GPM6A: variants seen among roughly 807,000 people sequenced by gnomAD.
The protein encoded by GPM6A is glycoprotein M6A.
A neutral mutation model predicts 32.1 loss-of-function variants in GPM6A; 7 were observed. That is an observed-to-expected ratio of 0.22 (90% confidence interval 0.12 to 0.41). The LOEUF (loss-of-function observed/expected upper bound fraction) is 0.41, where lower values mean the gene tolerates loss of function less well. Ranked by LOEUF, GPM6A falls within the 10% of genes least tolerant of loss-of-function variation. The pLI, the probability that GPM6A is intolerant of heterozygous loss-of-function variation, is 1.00. For missense variants in GPM6A, 235 were observed against 347.2 expected, an observed-to-expected ratio of 0.68 and a Z score of 2.57; for synonymous variants, 130 against 123.4, an observed-to-expected ratio of 1.05 and a Z score of -0.35.
At chr4:175,914,040 G>A (rs185879440) in intron 1 of GPM6A, among the ~76,000 whole-genome samples, 151 of 152,222 alleles carry the variant, frequency 9.9e-4, no homozygotes, top group Non-Finnish European at 1.5e-3. Flanking sequence ...AAAAGCCACA[G>A]AGACACAAGT....
rs912268341 is a variant in GPM6A, at chr4:175,659,494, CCTTTTTTAAAAATAGTTAAGAGAAAA to C, written c.388-7533_388-7508del. ...AAAGAGTATTGAAAGTATTCAATGT[CCTTTTTTAAAAATAGTTAAGAGAAAA>C]ATAACATAACCAAAACTGGATTATT... On this transcript the variant is annotated intron_variant, in intron 3 of 6. Coordinates refer to ENST00000393658, the MANE Select transcript of GPM6A (RefSeq NM_201591.3). Among the ~76,000 whole-genome samples the C allele has an allele frequency of 5.9e-5, 9 of 151,984 alleles. No homozygotes were observed. In the South Asian group the frequency reaches 1.0e-3, roughly 17 times the overall value.
At chr4:175,727,303 C>A (rs556237017) in intron 1 of GPM6A, among the ~76,000 whole-genome samples, 1 of 152,086 alleles carries the variant, frequency 6.6e-6, no homozygotes, top group Non-Finnish European at 1.5e-5. Context: ...AGTTCTACTA[C>A]GGCGGTTAGT....
At chr4:175,690,362 T>A (rs1744227132) in intron 2 of GPM6A, among the ~76,000 whole-genome samples, 2 of 152,256 alleles carry the variant, frequency 1.3e-5, no homozygotes, top group Admixed American at 1.3e-4. Context: ...AATGCTGCAA[T>A]AAATTAGCCT....
chr4:175,833,290 G>C (rs1735670879), intron 1 of GPM6A, among the ~76,000 whole-genome samples: 1 of 152,148 alleles, frequency 6.6e-6, no homozygotes, highest in Non-Finnish European at 1.5e-5. Flanking sequence ...AGTGACAAAG[G>C]CAGATTTCCA....
At chr4:175,727,803 C>T (rs974810657) in intron 1 of GPM6A, among the ~76,000 whole-genome samples, 3 of 151,840 alleles carry the variant, frequency 2.0e-5, no homozygotes, top group East Asian at 1.9e-4. Flanking sequence ...CAGGAGTTTG[C>T]GACCAGCCTG....
intron 1 of GPM6A, among the ~76,000 whole-genome samples, chr4:175,780,511 T>A (rs900232505): frequency 6.6e-6 from 1 of 152,366 alleles, no homozygotes; most frequent in Non-Finnish European, 1.5e-5. Context: ...CATGAACGGC[T>A]ATCATGCAGT....
chr4:175,944,256 T>C, intron 1 of GPM6A, among the ~76,000 whole-genome samples: 1 of 152,230 alleles, frequency 6.6e-6, no homozygotes, highest in East Asian at 1.9e-4. Flanking sequence ...ACAAGCTGTT[T>C]GTGGCCTAAG....
chr4:175,930,430 G>GC (rs1738992849), intron 1 of GPM6A, among the ~76,000 whole-genome samples: 1 of 98,794 alleles, frequency 1.0e-5, no homozygotes. Context: ...TTTTTTGGGG[G>GC]GGGGTTTTTT....
intron 2 of GPM6A, among the ~76,000 whole-genome samples, chr4:175,682,598 A>G (rs1420707702): frequency 6.6e-6 from 1 of 152,278 alleles, no homozygotes; most frequent in Admixed American, 6.5e-5. Flanking sequence ...TCAGGGGACA[A>G]GTCCAGGGCC....
At chr4:175,681,789 C>A (rs1743702592) in intron 2 of GPM6A, among the ~76,000 whole-genome samples, 1 of 152,160 alleles carries the variant, frequency 6.6e-6, no homozygotes, top group Admixed American at 6.6e-5. Context: ...ACCTGCAGAA[C>A]CATGAGCCAA....
intron 1 of GPM6A, among the ~76,000 whole-genome samples, chr4:175,783,767 A>G (rs1221541699): frequency 2.0e-5 from 3 of 151,354 alleles, no homozygotes; most frequent in African/African-American, 4.8e-5. Flanking sequence ...AGACAAAAAA[A>G]TAGAAAAATA....
intron 1 of GPM6A, among the ~76,000 whole-genome samples, chr4:175,866,828 A>G (rs1736754206): frequency 6.6e-6 from 1 of 152,178 alleles, no homozygotes; most frequent in East Asian, 1.9e-4. Context: ...TTACTTTTGT[A>G]AGAAACCACC....
chr4:175,814,043 C>T (rs1735025374), upstream of GPM6A, among the ~76,000 whole-genome samples: 1 of 152,210 alleles, frequency 6.6e-6, no homozygotes, highest in Admixed American at 6.5e-5. Context: ...TGCTTCAACT[C>T]ATCCCTAGGC....
At chr4:175,740,272 A>G (rs1056304056) in intron 1 of GPM6A, among the ~76,000 whole-genome samples, 3 of 152,104 alleles carry the variant, frequency 2.0e-5, no homozygotes, top group Admixed American at 2.0e-4. Context: ...ATACATAGAA[A>G]GTTGACTCAA....
Position 175,651,866 on chromosome 4 carries a change from C to G in GPM6A, c.509G>C (p.Gly170Ala). 1 of 1,613,274 alleles carries G rather than the reference C, an allele frequency of 6.2e-7. No individual in the cohort carries two copies. Among genetic ancestry groups the G allele is most frequent in the Non-Finnish European group, 8.5e-7 (1 of 1,179,540 alleles). ...TICRNTTLVE[G>A]ANLCLDLRQF... is the part of the protein sequence containing the mutation. The stretch of plus-strand genomic sequence containing the variant: ...ACGAAGGTCCAAGCAGAGATTTGCT[C>G]CCTCCACTAATGTGGTGTTCCGGCA... The change falls in exon 4 of 7, where the codon GGA becomes GCA. Residue 170 changes from glycine to alanine, a missense_variant. By Grantham distance (60) the Gly-to-Ala change is moderately conservative. Coordinates refer to ENST00000393658, the MANE Select transcript of GPM6A (RefSeq NM_201591.3).
At chr4:175,787,435 T>C (rs902262590) in intron 1 of GPM6A, 53 of 1,515,076 alleles carry the variant, frequency 3.5e-5, no homozygotes, top group Non-Finnish European at 4.3e-5. Context: ...CCTGTGACAA[T>C]TTAACATTCT....
intron 1 of GPM6A, among the ~76,000 whole-genome samples, chr4:175,765,391 A>G (rs1732923034): frequency 6.6e-6 from 1 of 152,118 alleles, no homozygotes; most frequent in African/African-American, 2.4e-5. Flanking sequence ...TTAAGAATTT[A>G]TTTTTATTGA....
At chr4:175,873,049 T>C (rs1466771961) in intron 1 of GPM6A, among the ~76,000 whole-genome samples, 1 of 152,122 alleles carries the variant, frequency 6.6e-6, no homozygotes, top group Non-Finnish European at 1.5e-5. Flanking sequence ...ATAATACAAT[T>C]TTATTTTTAT....
Position 175,928,559 on chromosome 4 carries a change from AC to A in GPM6A, c.-23+73749del, listed in dbSNP as rs573841011. Among the ~76,000 whole-genome samples the A allele has an allele frequency of 7.8e-4, 119 of 152,332 alleles. 2 individuals carry two copies. In the South Asian group the frequency reaches 0.024, roughly 30 times the overall value. On this transcript the variant is annotated intron_variant, in intron 1 of 7. Coordinates refer to the GPM6A transcript ENST00000280187. ...GAAATATCATCCATAAGGGCTTGGCACAAAAGAGGAGTGTATTGCAGAGTCA... is the reference window on the plus strand; with the variant it reads ...GAAATATCATCCATAAGGGCTTGGCAAAAAGAGGAGTGTATTGCAGAGTCA...
Sources: gnomAD v4.1 joint callset for allele counts (sites outside exome capture counted in the v4.1 genomes callset) on GRCh38, gnomAD v4.1.1 for gene constraint, MANE v1.5 for transcripts, NCBI Gene and HGNC (gene_info 2026-07-23, HGNC 2026-07-21) for gene names.